Variants in RGPD3 observed in about 807,000 individuals in gnomAD.
The protein encoded by RGPD3 is RANBP2 like and GRIP domain containing 3.
Under a neutral mutation model 154.5 loss-of-function variants are expected in RGPD3, and 62 were observed. That is an observed-to-expected ratio of 0.40 (90% CI 0.33 to 0.50). RGPD3 has a LOEUF of 0.50. Among genes scored for constraint, RGPD3 ranks in the 20% least tolerant of loss-of-function variants. RGPD3 has a pLI of 0.59. For missense variants in RGPD3, 919 were observed against 1,716.8 expected (o/e 0.54, Z 8.21); for synonymous variants, 308 against 607.0 (o/e 0.51, Z 7.24).
In RGPD3 at chr2:106,468,268, G is replaced by T. The variant is rs373124653; in HGVS notation, c.21C>A (p.Tyr7Ter). MSCSKA[Y>*]GERYVASVQG... is the part of the protein sequence containing the mutation. The stretch of plus-strand genomic sequence containing the variant: ...GCACCGAGGCGACGTACCGCTCCCC[G>T]TAGGCCTTGCTGCAACTCATCGCGC... The change falls in exon 1 of 23, where the codon TAC (tyrosine) becomes TAA (stop). Residue 7 changes from tyrosine to a stop codon, truncating the protein, a stop_gained. Transcript: ENST00000409886. LOFTEE classifies it high-confidence loss of function. 1.9e-5 allele frequency: 30 copies of T among 1,607,356 alleles called. No homozygotes were observed. The highest frequency in any genetic ancestry group is 4.5e-5 in the East Asian group (2 of 44,714).
chr2:106,404,135 A>C lies in RGPD3; in HGVS notation c.*1084T>G, dbSNP rs1676441170. On this transcript the variant is annotated 3_prime_UTR_variant, in exon 23 of 23. Coordinates refer to ENST00000409886, the MANE Select transcript of RGPD3 (RefSeq NM_001144013.2). The stretch of plus-strand genomic sequence containing the variant: ...ATCCCTTCTGATGGAAAGCTTATGG[A>C]ACACTATCTGCCAAAAACACTGAAA... Among the ~76,000 whole-genome samples, 1 of 151,716 alleles carries C rather than the reference A, an allele frequency of 6.6e-6. No individual in the cohort carries two copies. The highest frequency in any genetic ancestry group is 2.1e-4 in the South Asian group (1 of 4,830).
At chr2:106,461,538 GTTTA>G (rs1678405551) in intron 1 of RGPD3, among the ~76,000 whole-genome samples, 1 of 151,940 alleles carries the variant, frequency 6.6e-6, no homozygotes, top group Non-Finnish European at 1.5e-5. Context: ...CTCATGAAAT[GTTTA>G]TTTATATAAT....
intron 1 of RGPD3, 29 bp downstream of exon 1, chr2:106,468,188 G>A (rs778268044): frequency 5.0e-6 from 8 of 1,587,060 alleles, no homozygotes; most frequent in East Asian, 2.3e-5. Context: ...GCCAGGTCGA[G>A]GCCGTCGGTC....
chr2:106,451,087 C>CA (rs10690405), intron 6 of RGPD3, among the ~76,000 whole-genome samples: 2,165 of 108,614 alleles, frequency 0.02, 97 homozygotes, highest in African/African-American at 0.052. Context: ...GACTCCCTCT[C>CA]AAAAAAAAAA....
intron 1 of RGPD3, 120 bp downstream of exon 1, chr2:106,468,097 C>G: frequency 1.5e-6 from 2 of 1,322,212 alleles, no homozygotes; most frequent in Admixed American, 2.9e-5. Flanking sequence ...CCACAGAGCG[C>G]GCCAGGGAGC....
At chr2:106,438,501 G>C (rs958307713) in intron 9 of RGPD3, among the ~76,000 whole-genome samples, 1 of 148,216 alleles carries the variant, frequency 6.7e-6, no homozygotes, top group Admixed American at 6.8e-5. Flanking sequence ...ATACAACAAG[G>C]CTGGTCACGG....
At position 106,468,183 on chromosome 2, in the gene RGPD3, G is replaced by C. The variant is rs767049115; in HGVS notation, c.72+34C>G. On this transcript the variant is annotated intron_variant, in intron 1 of 22. Transcript: ENST00000409886. ...CGGGTCGAGGCCGCCGCCCGGCCAG[G>C]TCGAGGCCGTCGGTCTCTTCCAGAC... is the stretch of plus-strand genomic sequence containing the variant. 53 of 1,580,076 alleles carry C rather than the reference G, an allele frequency of 3.4e-5. 1 individual carries two copies. The African/African-American group carries it at 6.1e-4, about 18-fold the overall frequency.
chr2:106,423,006 G>A (rs1677043708), intron 20 of RGPD3, 37 bp downstream of exon 20: 1 of 865,180 alleles, frequency 1.2e-6, no homozygotes, highest in Non-Finnish European at 1.9e-6. Context: ...TTAAAAGAAA[G>A]AAAAATTGTG....
upstream of RGPD3, among the ~76,000 whole-genome samples, chr2:106,469,165 CT>C (rs1437223242): frequency 7.5e-6 from 1 of 132,690 alleles, no homozygotes. Context: ...TGTATTTATT[CT>C]ATTCCAGATT....
chr2:106,443,565 T>C (rs1677825566), intron 7 of RGPD3, among the ~76,000 whole-genome samples: 1 of 107,346 alleles, frequency 9.3e-6, no homozygotes, highest in African/African-American at 3.2e-5. Context: ...TTCTTTTTGT[T>C]TTCAAACTGA....
At position 106,464,215 on chromosome 2, in the gene RGPD3, G is replaced by A. The variant is rs1411514575; in HGVS notation, c.72+4002C>T. On this transcript the variant is annotated intron_variant, in intron 1 of 22. Coordinates refer to ENST00000409886, the MANE Select transcript of RGPD3 (RefSeq NM_001144013.2). ...TAAAAAATTAGCCGGGTGTTGTGGC[G>A]GGTGCCCGTAGTCCCAGCTACAGGC... Among the ~76,000 whole-genome samples the A allele has an allele frequency of 3.9e-5, 6 of 151,920 alleles. No individual in the cohort carries two copies. In the East Asian group the frequency reaches 5.8e-4, roughly 15 times the overall value.
rs901923847 is a variant in RGPD3 at position 106,449,507 on chromosome 2, A to T, written c.783-1894T>A. ...AAAAAAGCTATAATTATTAACACAC[A>T]ATAGGGCTTATTACATTTTTAATGG... On this transcript the variant is annotated intron_variant, in intron 6 of 22. Transcript: ENST00000409886. 2.8e-4 allele frequency among the ~76,000 whole-genome samples: 43 copies of T among 151,408 alleles called. 3 individuals carry two copies. The highest frequency in any genetic ancestry group is 1.0e-3 in the African/African-American group (42 of 41,222).
intron 17 of RGPD3, among the ~76,000 whole-genome samples, chr2:106,432,385 G>A (rs1677389806): frequency 6.8e-6 from 1 of 147,856 alleles, no homozygotes; most frequent in African/African-American, 2.5e-5. Context: ...CCTGGGAGGT[G>A]GAGGTTGCAG....
At chr2:106,450,062 T>C in intron 6 of RGPD3, among the ~76,000 whole-genome samples, 1 of 140,038 alleles carries the variant, frequency 7.1e-6, no homozygotes, top group Non-Finnish European at 1.5e-5. Context: ...GATGAAACCC[T>C]GTTTCTACTA....
intron 22 of RGPD3, among the ~76,000 whole-genome samples, chr2:106,410,639 G>C (rs1184891759): frequency 3.3e-5 from 5 of 151,896 alleles, no homozygotes; most frequent in South Asian, 2.1e-4. Context: ...TTAAAGTCCT[G>C]GTTAATTTTA....
At chr2:106,463,214 G>A (rs1678455380) in intron 1 of RGPD3, among the ~76,000 whole-genome samples, 1 of 147,342 alleles carries the variant, frequency 6.8e-6, no homozygotes, top group African/African-American at 2.5e-5. Context: ...CTCAGAATTC[G>A]ATAACCAAAT....
Position 106,415,986 on chromosome 2 carries a change from G to A in RGPD3, c.4928C>T (p.Pro1643Leu), listed in dbSNP as rs1340208552. ...AGTAAATTCAGCATACCATAATGGA[G>A]GCTCTGCAACATGTTGTTCCAAGAA... ...NYTFKTPEKE[P>L]PLWYAEFTKE... is the part of the protein sequence containing the mutation. The change falls in exon 21 of 23, where the codon CCT becomes CTT. Residue 1643 changes from proline (P) to leucine (L), a missense_variant. Transcript: ENST00000409886. 4.3e-6 allele frequency: 7 copies of A among 1,611,708 alleles called. No homozygotes were observed. The highest frequency in any genetic ancestry group is 5.1e-6 in the Non-Finnish European group (6 of 1,179,796).
At chr2:106,451,107 AGAAAGAAAG>A (rs1678110854) in intron 6 of RGPD3, among the ~76,000 whole-genome samples, 5 of 145,594 alleles carry the variant, frequency 3.4e-5, no homozygotes, top group Admixed American at 6.7e-5. Context: ...AAAACAAAAA[AGAAAGAAAG>A]AAAGAAAGAA....
intron 6 of RGPD3, 68 bp from the exon 7 acceptor site, chr2:106,447,681 A>G (rs1434261925): frequency 2.1e-5 from 2 of 93,470 alleles, no homozygotes; most frequent in Non-Finnish European, 4.1e-5. Flanking sequence ...GGTTCATTTA[A>G]TTCAAAACAA....
Sources: allele counts gnomAD v4.1 joint callset (sites outside exome capture counted in the v4.1 genomes callset), GRCh38; gene constraint gnomAD v4.1.1; transcripts MANE v1.5; gene names NCBI Gene and HGNC (gene_info 2026-07-23, HGNC 2026-07-21).